RSRC1: variants seen among roughly 807,000 people sequenced by gnomAD.
The protein encoded by RSRC1 is arginine and serine rich coiled-coil 1.
In RSRC1, 39 loss-of-function variants were observed where a neutral mutation model predicts 49.1. The ratio of observed to expected loss-of-function variants is 0.79; its 90% CI spans 0.61 to 1.04. The LOEUF is 1.04. Ranked by LOEUF, RSRC1 falls within the 50% of genes least tolerant of loss-of-function variation. RSRC1 has a pLI of 0.00. For synonymous variants in RSRC1, 143 were observed against 130.8 expected (o/e 1.09, Z -0.63); for missense variants, 388 against 402.4 (o/e 0.96, Z 0.31).
chr3:158,290,541 T>C (rs1033330143), intron 4 of RSRC1, among the ~76,000 whole-genome samples: 54 of 152,088 alleles, frequency 3.6e-4, no homozygotes, highest in African/African-American at 1.1e-3. Context: ...TCCCAAAGTG[T>C]TGGGATTACA....
At chr3:158,453,452 C>T (rs1737158922) in intron 6 of RSRC1, among the ~76,000 whole-genome samples, 1 of 150,502 alleles carries the variant, frequency 6.6e-6, no homozygotes, top group Non-Finnish European at 1.5e-5. Flanking sequence ...GGGATTCTAG[C>T]TCACTGCAGC....
intron 3 of RSRC1, among the ~76,000 whole-genome samples, chr3:158,191,418 A>G (rs1720234881): frequency 6.6e-6 from 1 of 152,104 alleles, no homozygotes; most frequent in Non-Finnish European, 1.5e-5. Flanking sequence ...TTTTCTTTTG[A>G]ACGACAAAAT....
intron 7 of RSRC1, among the ~76,000 whole-genome samples, chr3:158,494,538 T>A (rs1473676782): frequency 6.6e-6 from 1 of 152,202 alleles, no homozygotes; most frequent in Non-Finnish European, 1.5e-5. Flanking sequence ...AACCTTAGCT[T>A]ACTGTAACTT....
chr3:158,147,598 A>C (rs1001614434), intron 3 of RSRC1, among the ~76,000 whole-genome samples: 7 of 152,080 alleles, frequency 4.6e-5, no homozygotes, highest in Non-Finnish European at 8.8e-5. Flanking sequence ...TGTAACCTAG[A>C]AGAAAACAGA....
At chr3:158,481,560 T>C (rs1738616643) in intron 7 of RSRC1, among the ~76,000 whole-genome samples, 2 of 152,206 alleles carry the variant, frequency 1.3e-5, no homozygotes, top group South Asian at 4.1e-4. Flanking sequence ...GTCAACAGCA[T>C]TGAAATTTTA....
intron 7 of RSRC1, among the ~76,000 whole-genome samples, chr3:158,506,903 TAAAG>T (rs1739886018): frequency 6.6e-6 from 1 of 151,106 alleles, no homozygotes; most frequent in South Asian, 2.1e-4. Flanking sequence ...ATATCCCAAA[TAAAG>T]GAAACAGTTT....
chr3:158,152,784 A>G (rs937568793), intron 3 of RSRC1, among the ~76,000 whole-genome samples: 4 of 152,208 alleles, frequency 2.6e-5, no homozygotes, highest in African/African-American at 9.6e-5. Context: ...TTCACGTTTA[A>G]TAATATGACT....
intron 4 of RSRC1, among the ~76,000 whole-genome samples, chr3:158,293,749 C>G (rs1439904366): frequency 6.6e-6 from 1 of 151,940 alleles, no homozygotes; most frequent in Non-Finnish European, 1.5e-5. Flanking sequence ...CTGAGAATTT[C>G]TTTATATTTC....
At chr3:158,222,349 C>G (rs1283353879) in intron 4 of RSRC1, among the ~76,000 whole-genome samples, 3 of 151,344 alleles carry the variant, frequency 2.0e-5, no homozygotes, top group African/African-American at 7.3e-5. Context: ...AACATGGTGA[C>G]TATAGTTAAT....
intron 4 of RSRC1, among the ~76,000 whole-genome samples, chr3:158,214,580 T>C (rs1721853417): frequency 6.6e-6 from 1 of 151,838 alleles, no homozygotes; most frequent in Non-Finnish European, 1.5e-5. Flanking sequence ...AATGTCTTTC[T>C]AAGCACTGCT....
intron 5 of RSRC1, among the ~76,000 whole-genome samples, chr3:158,305,710 C>A (rs902619450): frequency 6.6e-6 from 1 of 152,038 alleles, no homozygotes; most frequent in African/African-American, 2.4e-5. Context: ...TCTTTAATCA[C>A]GCTTATTACC....
At chr3:158,275,691 T>C in intron 4 of RSRC1, 1 of 397,114 alleles carries the variant, frequency 2.5e-6, no homozygotes, top group East Asian at 7.6e-5. Context: ...TTAACTTTCT[T>C]AATTTGATAT....
intron 3 of RSRC1, among the ~76,000 whole-genome samples, chr3:158,202,109 G>A (rs1012316129): frequency 1.3e-5 from 2 of 152,234 alleles, no homozygotes; most frequent in African/African-American, 2.4e-5. Context: ...CCACCTCCGA[G>A]GTTCAAGTGA....
At chr3:158,319,109 A>G (rs1175967432) in intron 5 of RSRC1, among the ~76,000 whole-genome samples, 1 of 152,056 alleles carries the variant, frequency 6.6e-6, no homozygotes, top group Admixed American at 6.6e-5. Context: ...CCAACACTAG[A>G]TGTCTGATAT....
At chr3:158,483,356 G>A (rs190496671) in intron 7 of RSRC1, among the ~76,000 whole-genome samples, 36 of 151,988 alleles carry the variant, frequency 2.4e-4, no homozygotes, top group African/African-American at 7.7e-4. Flanking sequence ...GTAGATCTTC[G>A]GTGTTTAAGT....
intron 6 of RSRC1, among the ~76,000 whole-genome samples, chr3:158,394,892 CA>C (rs1733524880): frequency 6.6e-6 from 1 of 151,994 alleles, no homozygotes; most frequent in African/African-American, 2.4e-5. Flanking sequence ...CAATCCTAAG[CA>C]AAAAGAACAA....
At chr3:158,534,160 G>A (rs1712582571) in intron 7 of RSRC1, among the ~76,000 whole-genome samples, 1 of 151,436 alleles carries the variant, frequency 6.6e-6, no homozygotes, top group Admixed American at 6.6e-5. Flanking sequence ...CAGCTGTCAG[G>A]GACACATCTT....
In RSRC1 at chr3:158,413,626, C is replaced by T. The variant is rs150490926; in HGVS notation, c.584-47309C>T. ...TCTAATATCCAGAATGTACAAGAAA[C>T]GTAAACAAAATTACAAGAGAAAAAA... On this transcript the variant is annotated intron_variant, in intron 6 of 9. Coordinates refer to ENST00000611884, the MANE Select transcript of RSRC1 (RefSeq NM_001271838.2). Among the ~76,000 whole-genome samples, 406 of 145,404 alleles carry T rather than the reference C, an allele frequency of 2.8e-3. 4 individuals carry two copies. Among genetic ancestry groups the T allele is most frequent in the African/African-American group, 9.8e-3 (383 of 38,886 alleles).
chr3:158,343,370 T>C (rs753151513), intron 5 of RSRC1, among the ~76,000 whole-genome samples: 1 of 152,044 alleles, frequency 6.6e-6, no homozygotes, highest in Non-Finnish European at 1.5e-5. Context: ...CAAAAATATC[T>C]GGCACTGACA....
Sources: allele counts gnomAD v4.1 joint callset (sites outside exome capture counted in the v4.1 genomes callset), GRCh38; gene constraint gnomAD v4.1.1; transcripts MANE v1.5; gene names NCBI Gene and HGNC (gene_info 2026-07-23, HGNC 2026-07-21).